The following LRP1B variants were observed in gnomAD, a reference collection of about 807,000 sequenced individuals.
LRP1B encodes low-density lipoprotein receptor-related protein 1B.
In LRP1B, 217 loss-of-function variants were observed where a neutral mutation model predicts 556.6. The ratio of observed to expected loss-of-function variants is 0.39; its 90% CI spans 0.35 to 0.44. The LOEUF (loss-of-function observed/expected upper bound fraction) is 0.44, where lower values mean the gene tolerates loss of function less well. LRP1B is among the 20% of genes least tolerant of loss of function. The probability of loss-of-function intolerance (pLI) is 1.00; values close to 1 mark genes in which losing one functional copy is unlikely to be tolerated. For missense variants in LRP1B, 5,053 were observed against 5,620.8 expected, an observed-to-expected ratio of 0.90 and a Z score of 3.23; for synonymous variants, 2,047 against 1,865.8, an observed-to-expected ratio of 1.10 and a Z score of -2.50.
intron 83 of LRP1B, among the ~76,000 whole-genome samples, chr2:140,313,378 A>C (rs1684389295): frequency 6.6e-6 from 1 of 151,766 alleles, no homozygotes; most frequent in Non-Finnish European, 1.5e-5. Context: ...TAGACAAATG[A>C]TTTGAACAAA....
chr2:142,121,646 T>C (rs577975124), intron 1 of LRP1B, among the ~76,000 whole-genome samples: 1 of 152,260 alleles, frequency 6.6e-6, no homozygotes, highest in African/African-American at 2.4e-5. Context: ...AATTGCATTG[T>C]CCTCAGTCAC....
intron 77 of LRP1B, among the ~76,000 whole-genome samples, chr2:140,349,850 A>G (rs888910646): frequency 2.6e-5 from 4 of 152,190 alleles, no homozygotes; most frequent in African/African-American, 7.2e-5. Flanking sequence ...AAGTTAATCT[A>G]AATCCGAATT....
At chr2:140,998,130 T>C (rs1697307584) in intron 15 of LRP1B, among the ~76,000 whole-genome samples, 1 of 152,050 alleles carries the variant, frequency 6.6e-6, no homozygotes, top group Non-Finnish European at 1.5e-5. Flanking sequence ...CAGAGGAATA[T>C]ATCTGGGGCT....
chr2:140,462,945 A>G (rs1687382582), intron 60 of LRP1B, among the ~76,000 whole-genome samples: 1 of 152,174 alleles, frequency 6.6e-6, no homozygotes, highest in Non-Finnish European at 1.5e-5. Context: ...TTTTTCTGGA[A>G]GAATAAGAGC....
At chr2:142,081,064 C>A (rs573862829) in intron 1 of LRP1B, among the ~76,000 whole-genome samples, 2 of 152,088 alleles carry the variant, frequency 1.3e-5, no homozygotes, top group South Asian at 4.1e-4. Flanking sequence ...TGCACTCTTT[C>A]CTTCCTTCAA....
chr2:140,928,332 A>C (rs558508313), intron 20 of LRP1B, among the ~76,000 whole-genome samples: 28 of 152,300 alleles, frequency 1.8e-4, no homozygotes, highest in African/African-American at 6.5e-4. Flanking sequence ...GTGATAACAG[A>C]CCAATACAAA....
chr2:140,951,711 G>T, intron 19 of LRP1B, 149 bp downstream of exon 19: 1 of 612,514 alleles, frequency 1.6e-6, no homozygotes, highest in Non-Finnish European at 3.0e-6. Context: ...CCACTGATGT[G>T]CTGCTAGCTG....
chr2:141,385,660 A>C (rs913762167), intron 3 of LRP1B, among the ~76,000 whole-genome samples: 1 of 152,200 alleles, frequency 6.6e-6, no homozygotes, highest in East Asian at 1.9e-4. Flanking sequence ...CATATTTTTA[A>C]AAACCATTCA....
intron 21 of LRP1B, among the ~76,000 whole-genome samples, chr2:140,913,687 G>C (rs1366183024): frequency 6.6e-6 from 1 of 151,914 alleles, no homozygotes; most frequent in Non-Finnish European, 1.5e-5. Flanking sequence ...TTCTTATGCT[G>C]ATCTTTGTTC....
chr2:141,403,093 T>C (rs925540348), intron 3 of LRP1B, among the ~76,000 whole-genome samples: 4 of 152,076 alleles, frequency 2.6e-5, no homozygotes, highest in Admixed American at 6.5e-5. Flanking sequence ...TTCTGAGCCA[T>C]GCAAGATTGA....
intron 3 of LRP1B, among the ~76,000 whole-genome samples, chr2:141,425,186 T>A (rs1032551184): frequency 6.6e-6 from 1 of 151,926 alleles, no homozygotes; most frequent in African/African-American, 2.4e-5. Context: ...TTTCTGTCCT[T>A]GCGATAGTTT....
Position 141,290,166 on chromosome 2 carries a change from C to G in LRP1B, c.344-35525G>C, listed in dbSNP as rs539487095. Among the ~76,000 whole-genome samples, 3 of 152,262 alleles carry G rather than the reference C, an allele frequency of 2.0e-5. 1 individual carries two copies. Among genetic ancestry groups the G allele is most frequent in the African/African-American group, 7.2e-5 (3 of 41,560 alleles). On this transcript the variant is annotated intron_variant, in intron 3 of 90. Coordinates refer to ENST00000389484, the MANE Select transcript of LRP1B (RefSeq NM_018557.3). ...ACACAGAAGAGAAAGGATATTTAAA[C>G]ACCCTTTTATGGAAAATCTCCTCTA...
intron 43 of LRP1B, among the ~76,000 whole-genome samples, chr2:140,579,766 C>T (rs897775037): frequency 6.6e-5 from 10 of 152,054 alleles, no homozygotes; most frequent in Middle Eastern, 3.2e-3. Context: ...CGCTTGAAGC[C>T]GGGAGGCGGG....
chr2:140,979,614 G>C (rs957126874), intron 18 of LRP1B, among the ~76,000 whole-genome samples: 7 of 152,022 alleles, frequency 4.6e-5, no homozygotes, highest in African/African-American at 1.7e-4. Flanking sequence ...ATACATCAGG[G>C]TTCCTCCCCA....
At chr2:141,118,484 A>G (rs1272549301) in intron 7 of LRP1B, among the ~76,000 whole-genome samples, 2 of 151,938 alleles carry the variant, frequency 1.3e-5, no homozygotes, top group Non-Finnish European at 1.5e-5. Flanking sequence ...TTTGTAAACT[A>G]GTTCTTGTTT....
chr2:141,485,806 G>A (rs1683099458), intron 2 of LRP1B, among the ~76,000 whole-genome samples: 1 of 152,092 alleles, frequency 6.6e-6, no homozygotes, highest in Admixed American at 6.6e-5. Flanking sequence ...TGGCAACGTT[G>A]CCTTAAATTA....
chr2:141,590,877 A>G (rs940335866), intron 2 of LRP1B, among the ~76,000 whole-genome samples: 2 of 151,988 alleles, frequency 1.3e-5, no homozygotes, highest in African/African-American at 4.8e-5. Context: ...AGCGTTACAG[A>G]AGTCCTTTCC....
intron 1 of LRP1B, among the ~76,000 whole-genome samples, chr2:141,949,506 C>G (rs1701049983): frequency 6.6e-6 from 1 of 152,146 alleles, no homozygotes; most frequent in Admixed American, 6.5e-5. Context: ...TTCTCTGCCT[C>G]AGCTTGCCTA....
At chr2:140,732,488 G>C (rs1260570625) in intron 35 of LRP1B, among the ~76,000 whole-genome samples, 1 of 151,788 alleles carries the variant, frequency 6.6e-6, no homozygotes, top group African/African-American at 2.4e-5. Context: ...ACTCTTGAAG[G>C]AAAAAAAGTA....
Sources: allele counts gnomAD v4.1 joint callset (sites outside exome capture counted in the v4.1 genomes callset), GRCh38; gene constraint gnomAD v4.1.1; transcripts MANE v1.5; gene names NCBI Gene and HGNC (gene_info 2026-07-23, HGNC 2026-07-21).